IFT57: variants seen among roughly 807,000 people sequenced by gnomAD.
IFT57 encodes the protein intraflagellar transport 57, also known as intraflagellar transport protein 57 homolog.
In IFT57, 59 loss-of-function variants were observed where a neutral mutation model predicts 56.8. The observed-to-expected ratio is 1.04, with a 90% confidence interval of 0.84 to 1.29. The LOEUF is 1.29. IFT57 is among the 50% of genes most tolerant of loss of function. The pLI is 0.00. For synonymous variants in IFT57, 209 were observed against 186.1 expected, an observed-to-expected ratio of 1.12 and a Z score of -1.00; for missense variants, 470 against 522.1, an observed-to-expected ratio of 0.90 and a Z score of 0.97.
At chr3:108,203,253 A>G (rs1329730499) in intron 5 of IFT57, among the ~76,000 whole-genome samples, 4 of 152,296 alleles carry the variant, frequency 2.6e-5, no homozygotes, top group East Asian at 1.9e-4. Flanking sequence ...CCTCTGCCCA[A>G]TCCTGCTTTC....
At chr3:108,186,526 A>G (rs1228689473) in intron 6 of IFT57, among the ~76,000 whole-genome samples, 2 of 152,176 alleles carry the variant, frequency 1.3e-5, no homozygotes, top group Admixed American at 1.3e-4. Flanking sequence ...ATCTGGCAGA[A>G]GGGCTCTGAT....
intron 5 of IFT57, among the ~76,000 whole-genome samples, chr3:108,204,725 C>T (rs1486878606): frequency 6.6e-6 from 1 of 152,200 alleles, no homozygotes; most frequent in African/African-American, 2.4e-5. Context: ...CAAAACATAT[C>T]TACACCTTGT....
chr3:108,191,595 C>T lies in IFT57; in HGVS notation c.703G>A (p.Asp235Asn), dbSNP rs2080215391. Residue 235 changes from aspartate to asparagine, a missense_variant, in exon 6 of 11, where the codon GAT (aspartate) becomes AAT (asparagine). Physicochemically the swap from Asp to Asn is conservative, Grantham distance 23. Transcript: ENST00000264538. ...ACTTCTAGGCTCCATTCTGCAGCAT[C>T]TGTTGTGGATTCCAAAATATCTTCT... The part of the protein sequence containing the change: ...KQEDILESTT[D>N]AAEWSLEVER... 6.2e-7 allele frequency: 1 copy of T among 1,609,692 alleles called. No individual in the cohort carries two copies. The highest frequency in any genetic ancestry group is 8.5e-7 in the Non-Finnish European group (1 of 1,176,556).
In IFT57 at chr3:108,165,608, T is replaced by A; in HGVS notation, c.982-115A>T. 4 of 761,548 alleles carry A rather than the reference T, an allele frequency of 5.3e-6. No individual in the cohort carries two copies. In the South Asian group the frequency reaches 5.8e-5, roughly 11 times the overall value. The allele number at this position is 761,548 out of a possible 1,614,324, so 47.2% of individuals were successfully genotyped here. On this transcript the variant is annotated intron_variant, in intron 8 of 10. Coordinates refer to ENST00000264538, the MANE Select transcript of IFT57 (RefSeq NM_018010.4). Reference sequence around the variant, plus strand: ...GTCATTTTATGACAACCCTGCTCCTTGTTTGTGAATACATTTGTGAAAGTG... The same window carrying A: ...GTCATTTTATGACAACCCTGCTCCTAGTTTGTGAATACATTTGTGAAAGTG...
At chr3:108,179,379 T>C (rs1023312301) in intron 6 of IFT57, among the ~76,000 whole-genome samples, 1 of 151,960 alleles carries the variant, frequency 6.6e-6, no homozygotes, top group East Asian at 1.9e-4. Flanking sequence ...AATACCATGA[T>C]AGAAGGAGGT....
intron 5 of IFT57, among the ~76,000 whole-genome samples, chr3:108,204,703 A>T (rs1409390086): frequency 6.6e-6 from 1 of 152,186 alleles, no homozygotes; most frequent in African/African-American, 2.4e-5. Context: ...ACAACTTGCT[A>T]AAGGCAGGAA....
intron 5 of IFT57, among the ~76,000 whole-genome samples, chr3:108,199,109 C>T (rs1034767584): frequency 2.0e-5 from 3 of 152,052 alleles, no homozygotes; most frequent in Non-Finnish European, 2.9e-5. Flanking sequence ...TAAAGGGGTA[C>T]AATGTTTCTA....
chr3:108,219,860 T>C (rs929123611), intron 1 of IFT57, among the ~76,000 whole-genome samples: 13 of 152,162 alleles, frequency 8.5e-5, no homozygotes, highest in African/African-American at 3.1e-4. Context: ...ATGTAGAATT[T>C]TTGCCAAAAT....
intron 6 of IFT57, among the ~76,000 whole-genome samples, chr3:108,172,801 G>A (rs2080101845): frequency 6.6e-6 from 1 of 151,798 alleles, no homozygotes; most frequent in Non-Finnish European, 1.5e-5. Flanking sequence ...GACAAGAACA[G>A]CAGAGATTTT....
intron 6 of IFT57, among the ~76,000 whole-genome samples, chr3:108,172,161 G>A (rs2080096884): frequency 1.3e-5 from 2 of 151,804 alleles, no homozygotes; most frequent in Non-Finnish European, 2.9e-5. Flanking sequence ...TGGAGGGGCT[G>A]GTATTTCTGT....
chr3:108,216,492 A>G lies in IFT57; in HGVS notation c.494+2043T>C, dbSNP rs570052011. Among the ~76,000 whole-genome samples, 9 of 152,318 alleles carry G rather than the reference A, an allele frequency of 5.9e-5. No individual in the cohort carries two copies. In the East Asian group the frequency reaches 1.7e-3, roughly 29 times the overall value. On this transcript the variant is annotated intron_variant, in intron 3 of 10. Transcript: ENST00000264538. Reference sequence around the variant, plus strand: ...CAAAATAACAAAGGCTGCTGAGGATATGGAGAAGGGGTAACCCTTGAACAC... The same window carrying G: ...CAAAATAACAAAGGCTGCTGAGGATGTGGAGAAGGGGTAACCCTTGAACAC...
rs1033783139 is a variant in IFT57 at position 108,187,060 on chromosome 3, G to A, written c.777+4461C>T. Reference sequence around the variant, plus strand: ...GAAGAGTCAAAAGTTAAAATGCACAGGGGTTGGCATCCCTAACCTTCATGT... The same window carrying A: ...GAAGAGTCAAAAGTTAAAATGCACAAGGGTTGGCATCCCTAACCTTCATGT... On this transcript the variant is annotated intron_variant, in intron 6 of 10. Transcript: ENST00000264538. Among the ~76,000 whole-genome samples, 3 of 152,078 alleles carry A rather than the reference G, an allele frequency of 2.0e-5. 1 individual carries two copies. Among genetic ancestry groups the A allele is most frequent in the South Asian group, 4.1e-4 (2 of 4,828 alleles).
intron 5 of IFT57, among the ~76,000 whole-genome samples, chr3:108,199,663 T>A (rs1194458403): frequency 1.3e-5 from 2 of 152,204 alleles, no homozygotes; most frequent in African/African-American, 4.8e-5. Context: ...ATCCAACAAC[T>A]ATTTACTTAG....
rs767226150 is a variant in IFT57, at chr3:108,163,674, A to T, written c.1100T>A (p.Met367Lys). 1 of 1,610,620 alleles carries T rather than the reference A, an allele frequency of 6.2e-7. No homozygotes were observed. The highest frequency in any genetic ancestry group is 1.1e-5 in the South Asian group (1 of 90,880). ...GAGCATGTACTTACCACCATCAGTC[A>T]TGCTGCTGCCCTTTTCTTCCATTTC... ...KQEMEEKGSS[M>K]TDGAPLVKIK... The change falls in exon 10 of 11, where the codon ATG becomes AAG. Residue 367 changes from methionine (M) to lysine (K), a missense_variant. Met to Lys is a moderately conservative substitution (Grantham distance 95, BLOSUM62 -1). Transcript: ENST00000264538.
chr3:108,178,157 G>T (rs1471348954), intron 6 of IFT57, among the ~76,000 whole-genome samples: 1 of 151,814 alleles, frequency 6.6e-6, no homozygotes, highest in Non-Finnish European at 1.5e-5. Context: ...ATGCTCACTT[G>T]ATTTATGACA....
intron 5 of IFT57, among the ~76,000 whole-genome samples, chr3:108,198,072 T>A (rs9856135): frequency 6.6e-6 from 1 of 152,120 alleles, no homozygotes; most frequent in African/African-American, 2.4e-5. Flanking sequence ...AATAACACCA[T>A]GAAACAGGGA....
At position 108,222,145 on chromosome 3, in the gene IFT57, A is replaced by ACTCCTCCTCGTAGCGGAGCAG. The variant is rs1379788106; in HGVS notation, c.157_177dup (p.Leu53_Glu59dup). 1 of 1,611,924 alleles carries ACTCCTCCTCGTAGCGGAGCAG rather than the reference A, an allele frequency of 6.2e-7. No homozygotes were observed. Among genetic ancestry groups the ACTCCTCCTCGTAGCGGAGCAG allele is most frequent in the African/African-American group, 1.3e-5 (1 of 74,682 alleles). On this transcript the variant is annotated inframe_insertion, in exon 1 of 11. Transcript: ENST00000264538. ...GCCTTCAGGTTGCTCTTCCGGAGGA[A>ACTCCTCCTCGTAGCGGAGCAG]CTCCTCCTCGTAGCGGAGCAGCTTC...
intron 6 of IFT57, among the ~76,000 whole-genome samples, chr3:108,179,243 A>G (rs1324180409): frequency 6.6e-6 from 1 of 151,890 alleles, no homozygotes; most frequent in Non-Finnish European, 1.5e-5. Flanking sequence ...GGGCCAAGTG[A>G]GAGCTATATT....
At chr3:108,193,965 G>A (rs1371479180) in intron 5 of IFT57, among the ~76,000 whole-genome samples, 1 of 152,152 alleles carries the variant, frequency 6.6e-6, no homozygotes, top group African/African-American at 2.4e-5. Flanking sequence ...TGCCTTGCTA[G>A]TGGTATGTGA....
Sources: allele counts gnomAD v4.1 joint callset (sites outside exome capture counted in the v4.1 genomes callset), GRCh38; gene constraint gnomAD v4.1.1; transcripts MANE v1.5; gene names NCBI Gene and HGNC (gene_info 2026-07-23, HGNC 2026-07-21).